The following PLXDC2 variants were observed in gnomAD, a reference collection of about 807,000 sequenced individuals.
PLXDC2 encodes the protein plexin domain-containing protein 2.
In PLXDC2, 40 loss-of-function variants were observed where a neutral mutation model predicts 68.9. The ratio of observed to expected loss-of-function variants is 0.58; its 90% CI spans 0.45 to 0.76. The LOEUF is 0.76. Among genes scored for constraint, PLXDC2 ranks in the 30% least tolerant of loss-of-function variants. PLXDC2 has a pLI of 0.00. For synonymous variants in PLXDC2, 243 were observed against 234.2 expected, an observed-to-expected ratio of 1.04 and a Z score of -0.34; for missense variants, 644 against 661.9, an observed-to-expected ratio of 0.97 and a Z score of 0.30.
chr10:20,161,307 T>G (rs1363169388), intron 6 of PLXDC2, among the ~76,000 whole-genome samples: 1 of 147,736 alleles, frequency 6.8e-6, no homozygotes. Context: ...CAAGGATAAC[T>G]TTTGGTGCAA....
At position 20,177,104 on chromosome 10, in the gene PLXDC2, T is replaced by C; in HGVS notation, c.979+10T>C. 1 of 1,572,826 alleles carries C rather than the reference T, an allele frequency of 6.4e-7. No homozygotes were observed. Among genetic ancestry groups the C allele is most frequent in the Non-Finnish European group, 8.7e-7 (1 of 1,144,408 alleles). ...ATGACCCCATTACCCAGTAAGCGAA[T>C]ATGTAAACCTAGGTGGAAAACATGA... On this transcript the variant is annotated intron_variant, in intron 8 of 13. Transcript: ENST00000377252.
intron 13 of PLXDC2, among the ~76,000 whole-genome samples, chr10:20,273,327 G>A (rs974343234): frequency 2.0e-5 from 3 of 151,832 alleles, no homozygotes; most frequent in African/African-American, 4.8e-5. Context: ...AAATCTTCTC[G>A]TCTGTGTTCC....
chr10:20,218,250 G>A (rs539240340), intron 11 of PLXDC2, among the ~76,000 whole-genome samples: 8 of 152,176 alleles, frequency 5.3e-5, no homozygotes, highest in South Asian at 2.1e-4. Flanking sequence ...GACTGGCCAC[G>A]AATCAGGTTT....
intron 1 of PLXDC2, among the ~76,000 whole-genome samples, chr10:19,972,164 G>A (rs2131612439): frequency 1.3e-5 from 2 of 152,262 alleles, no homozygotes; most frequent in East Asian, 3.9e-4. Context: ...ACATTTTTGA[G>A]CAGGACTTCT....
intron 9 of PLXDC2, among the ~76,000 whole-genome samples, chr10:20,199,717 C>G (rs1834891185): frequency 6.6e-6 from 1 of 151,824 alleles, no homozygotes; most frequent in South Asian, 2.1e-4. Flanking sequence ...TCTATTCGAT[C>G]AGATTCACAA....
chr10:20,180,111 C>A (rs899527257), intron 9 of PLXDC2, among the ~76,000 whole-genome samples: 5 of 151,950 alleles, frequency 3.3e-5, no homozygotes, highest in African/African-American at 1.2e-4. Context: ...AGAGGAAAAT[C>A]GAGCAAAGTC....
chr10:20,217,333 C>T, intron 10 of PLXDC2, 93 bp from the exon 11 acceptor site: 1 of 1,128,174 alleles, frequency 8.9e-7, no homozygotes, highest in Non-Finnish European at 1.2e-6. Context: ...ATATGAGAGG[C>T]TTTTGTGCTT....
In PLXDC2 at chr10:20,283,203, A is replaced by G. The variant is rs569774220; in HGVS notation, c.*3384A>G. On this transcript the variant is annotated 3_prime_UTR_variant, in exon 14 of 14. Transcript: ENST00000377252. Reference sequence around the variant, plus strand: ...TGATTTTAGAGAGGCCCTATGGAGTAATGAAAAAAATACAAGCTGACACAG... The same window carrying G: ...TGATTTTAGAGAGGCCCTATGGAGTGATGAAAAAAATACAAGCTGACACAG... The G allele has an allele frequency of 6.6e-5, 10 of 152,326 alleles. No individual in the cohort carries two copies. In the South Asian group the frequency reaches 2.1e-3, roughly 32 times the overall value. 9.4% of individuals were successfully genotyped at this position (152,326 alleles called of 1,614,324 possible).
chr10:20,240,711 C>CA (rs202138349), intron 12 of PLXDC2, among the ~76,000 whole-genome samples: 30,283 of 99,814 alleles, frequency 0.3, 4,650 homozygotes, highest in Middle Eastern at 0.38. Flanking sequence ...TTGCAGTAGC[C>CA]AAAAAAAAAA....
intron 7 of PLXDC2, among the ~76,000 whole-genome samples, chr10:20,173,767 A>G (rs1834481581): frequency 6.6e-6 from 1 of 152,168 alleles, no homozygotes; most frequent in Non-Finnish European, 1.5e-5. Flanking sequence ...ATATTTTTGG[A>G]ATCACATGAA....
intron 7 of PLXDC2, among the ~76,000 whole-genome samples, chr10:20,169,635 G>A (rs138648279): frequency 8.5e-5 from 13 of 152,156 alleles, no homozygotes; most frequent in Admixed American, 5.9e-4. Context: ...TTATCCCATC[G>A]GGCCTCACTG....
chr10:20,011,152 A>G (rs575870236), intron 2 of PLXDC2, among the ~76,000 whole-genome samples: 7 of 152,302 alleles, frequency 4.6e-5, no homozygotes, highest in African/African-American at 1.4e-4. Context: ...GTAGTTCAGA[A>G]TATGTCCATT....
rs192897176 is a variant in PLXDC2, at chr10:20,042,980, T to C, written c.325-3889T>C. Among the ~76,000 whole-genome samples the C allele has an allele frequency of 6.4e-4, 97 of 152,344 alleles. 2 individuals are homozygous for C. In the East Asian group the frequency reaches 0.012, roughly 19 times the overall value. On this transcript the variant is annotated intron_variant, in intron 2 of 13. Coordinates refer to ENST00000377252, the MANE Select transcript of PLXDC2 (RefSeq NM_032812.9). ...CAGTAGTGCTTTGTTTTATTTTCTA[T>C]GGTGTTAGAAATGCTTTACTTTTGA...
In PLXDC2 at chr10:19,896,776, T is replaced by G. The variant is rs1288571866; in HGVS notation, c.112+79585T>G. On this transcript the variant is annotated intron_variant, in intron 1 of 13. Transcript: ENST00000377252. Reference sequence around the variant, plus strand: ...ATCAGGAACACTCTTCCTTAAGGTGTCTGCATGGCTCAGACTCTCAACTTA... The same window carrying G: ...ATCAGGAACACTCTTCCTTAAGGTGGCTGCATGGCTCAGACTCTCAACTTA... Among the ~76,000 whole-genome samples, 11 of 152,322 alleles carry G rather than the reference T, an allele frequency of 7.2e-5. No homozygotes were observed. The East Asian group carries it at 2.1e-3, about 29-fold the overall frequency.
At chr10:19,990,507 A>G (rs1834729004) in intron 1 of PLXDC2, among the ~76,000 whole-genome samples, 1 of 10,944 alleles carries the variant, frequency 9.1e-5, no homozygotes, top group Admixed American at 9.2e-4. Flanking sequence ...AAGCCGCTGG[A>G]TTCTAAGTGT....
chr10:20,097,756 TG>T (rs1833370308), intron 4 of PLXDC2, among the ~76,000 whole-genome samples: 1 of 152,050 alleles, frequency 6.6e-6, no homozygotes, highest in Non-Finnish European at 1.5e-5. Context: ...TGTTCAAATG[TG>T]AGGCAACATC....
At chr10:19,924,593 C>T (rs565404226) in intron 1 of PLXDC2, among the ~76,000 whole-genome samples, 18 of 152,146 alleles carry the variant, frequency 1.2e-4, no homozygotes, top group Non-Finnish European at 1.9e-4. Flanking sequence ...CCAGCCACAA[C>T]ATGAGTAGTG....
intron 4 of PLXDC2, among the ~76,000 whole-genome samples, chr10:20,131,400 A>C (rs1833865930): frequency 6.6e-6 from 1 of 151,618 alleles, no homozygotes; most frequent in Non-Finnish European, 1.5e-5. Flanking sequence ...TTTCACTTAT[A>C]ATTTTTTTTC....
intron 1 of PLXDC2, among the ~76,000 whole-genome samples, chr10:19,848,351 G>A (rs753478327): frequency 1.4e-4 from 21 of 152,102 alleles, no homozygotes; most frequent in Non-Finnish European, 2.5e-4. Flanking sequence ...GGTTTTCACT[G>A]TGTGTGTCTC....
Sources: gnomAD v4.1 joint callset for allele counts (sites outside exome capture counted in the v4.1 genomes callset) on GRCh38, gnomAD v4.1.1 for gene constraint, MANE v1.5 for transcripts, NCBI Gene and HGNC (gene_info 2026-07-23, HGNC 2026-07-21) for gene names.